The following CNTN3 variants were observed in gnomAD, a reference collection of about 807,000 sequenced individuals.
CNTN3 encodes contactin-3.
In CNTN3, 60 loss-of-function variants were observed where a neutral mutation model predicts 119.1. That is an observed-to-expected ratio of 0.50 (90% CI 0.41 to 0.62). CNTN3 has a LOEUF of 0.62. Among genes scored for constraint, CNTN3 ranks in the 20% least tolerant of loss-of-function variants. The pLI is 0.00. For synonymous variants in CNTN3, 450 were observed against 438.7 expected (o/e 1.03, Z -0.32); for missense variants, 1,101 against 1,242.4 (o/e 0.89, Z 1.71).
rs1705141367 is a variant in CNTN3 at position 74,614,530 on chromosome 3, G to A, written c.-220C>T. Among the ~76,000 whole-genome samples the A allele has an allele frequency of 6.8e-6, 1 of 147,378 alleles. No individual in the cohort carries two copies. The highest frequency in any genetic ancestry group is 1.5e-5 in the Non-Finnish European group (1 of 66,344). ...GTGCGCGCCCGCGTAAGCCGCCGCC[G>A]CCGCAGGCGCAGCACCCTCGTCCGC... is the stretch of plus-strand genomic sequence containing the variant. On this transcript the variant is annotated 5_prime_UTR_variant, in exon 1 of 23. Transcript: ENST00000263665.
intron 13 of CNTN3, among the ~76,000 whole-genome samples, chr3:74,329,590 T>C (rs559908117): frequency 9.8e-5 from 15 of 152,292 alleles, no homozygotes; most frequent in South Asian, 8.3e-4. Flanking sequence ...CAAGTCAAAA[T>C]TATCCCTCAA....
At position 74,305,027 on chromosome 3, in the gene CNTN3, C is replaced by A. The variant is rs151027491; in HGVS notation, c.1669-2220G>T. On this transcript the variant is annotated intron_variant, in intron 13 of 22. Coordinates refer to ENST00000263665, the MANE Select transcript of CNTN3 (RefSeq NM_020872.3). ...AGTACTACATAGAGACAAGATTTAT[C>A]TTAACAAAAGCGCATCCATTGCTTG... is the stretch of plus-strand genomic sequence containing the variant. Among the ~76,000 whole-genome samples, 328 of 152,274 alleles carry A rather than the reference C, an allele frequency of 2.2e-3. 1 individual carries two copies. The highest frequency in any genetic ancestry group is 3.8e-4 in the Non-Finnish European group (26 of 68,018).
intron 4 of CNTN3, among the ~76,000 whole-genome samples, chr3:74,459,683 C>T (rs192674794): frequency 6.6e-6 from 1 of 152,078 alleles, no homozygotes; most frequent in East Asian, 1.9e-4. Flanking sequence ...TTTTCCTCCT[C>T]ACCTCCTACT....
In CNTN3 at chr3:74,559,766, A is replaced by G. The variant is rs367958070; in HGVS notation, c.-80-38574T>C. Among the ~76,000 whole-genome samples, 5 of 152,212 alleles carry G rather than the reference A, an allele frequency of 3.3e-5. No homozygotes were observed. In the South Asian group the frequency reaches 1.0e-3, roughly 32 times the overall value. On this transcript the variant is annotated intron_variant, in intron 1 of 22. Transcript: ENST00000263665. ...CAATCTGTTTTCTTCTCTGTAAATGACTTCCTGATTATACCATGCAATTGC... is the reference window on the plus strand; with the variant it reads ...CAATCTGTTTTCTTCTCTGTAAATGGCTTCCTGATTATACCATGCAATTGC...
Position 74,287,177 on chromosome 3 carries a change from A to G in CNTN3, c.2518-1686T>C, listed in dbSNP as rs374220210. The stretch of plus-strand genomic sequence containing the variant: ...GAGACATCAAAACTCCAATTTCTTG[A>G]TGAGGCAATACAATTTTTTCCTTCA... On this transcript the variant is annotated intron_variant, in intron 19 of 22. Coordinates refer to ENST00000263665, the MANE Select transcript of CNTN3 (RefSeq NM_020872.3). Among the ~76,000 whole-genome samples the G allele has an allele frequency of 2.0e-5, 3 of 152,224 alleles. No homozygotes were observed. In the East Asian group the frequency reaches 5.8e-4, roughly 29 times the overall value.
intron 13 of CNTN3, among the ~76,000 whole-genome samples, chr3:74,323,410 A>C (rs1466184928): frequency 6.6e-6 from 1 of 152,232 alleles, no homozygotes; most frequent in African/African-American, 2.4e-5. Flanking sequence ...ATATAGAGAA[A>C]GTAGATCGGT....
In CNTN3 at chr3:74,424,919, T is replaced by C; in HGVS notation, c.380A>G (p.Lys127Arg). Residue 127 changes from lysine to arginine, a missense_variant, in exon 5 of 23, where the codon AAA becomes AGA. Coordinates refer to ENST00000263665, the MANE Select transcript of CNTN3 (RefSeq NM_020872.3). Reference sequence around the variant, plus strand: ...ACGCACAGACACTGTACTCCTCATTTTGGTTTTAAAATTTTCAAGATCTGA... The same window carrying C: ...ACGCACAGACACTGTACTCCTCATTCTGGTTTTAAAATTTTCAAGATCTGA... Reference protein sequence around the residue: ...QFAYLENFKTKMRSTVSVREG... With the variant: ...QFAYLENFKTRMRSTVSVREG... 1 of 1,606,616 alleles carries C rather than the reference T, an allele frequency of 6.2e-7. No individual in the cohort carries two copies. Among genetic ancestry groups the C allele is most frequent in the Non-Finnish European group, 8.5e-7 (1 of 1,177,128 alleles).
At chr3:74,264,555 G>C (rs1701632667) in intron 22 of CNTN3, 54 bp from the exon 23 acceptor site, 1 of 1,178,288 alleles carries the variant, frequency 8.5e-7, no homozygotes, top group East Asian at 2.4e-5. Context: ...TATGTAATCA[G>C]GGTGCTAGAG....
intron 1 of CNTN3, among the ~76,000 whole-genome samples, chr3:74,530,506 A>G (rs1230535265): frequency 6.6e-6 from 1 of 151,818 alleles, no homozygotes; most frequent in African/African-American, 2.4e-5. Flanking sequence ...GACCACAGAG[A>G]GCTGCCTTTG....
At chr3:74,526,435 C>T (rs1214155509) in intron 1 of CNTN3, among the ~76,000 whole-genome samples, 1 of 151,778 alleles carries the variant, frequency 6.6e-6, no homozygotes, top group African/African-American at 2.4e-5. Context: ...AGAAATCATG[C>T]ATCACATAAC....
chr3:74,449,988 G>A (rs1221645662), intron 4 of CNTN3, among the ~76,000 whole-genome samples: 1 of 152,050 alleles, frequency 6.6e-6, no homozygotes, highest in Non-Finnish European at 1.5e-5. Context: ...ATGATCATAT[G>A]TAGTTACATA....
At chr3:74,395,149 C>A (rs926998333) in intron 5 of CNTN3, among the ~76,000 whole-genome samples, 2 of 152,134 alleles carry the variant, frequency 1.3e-5, no homozygotes, top group East Asian at 3.9e-4. Context: ...TCCTACTAGA[C>A]CCTCAGCATC....
At chr3:74,449,040 T>C (rs1004558537) in intron 4 of CNTN3, among the ~76,000 whole-genome samples, 2 of 152,100 alleles carry the variant, frequency 1.3e-5, no homozygotes, top group African/African-American at 4.8e-5. Context: ...TCCTTTTAAA[T>C]AGTCTCCTTC....
chr3:74,432,415 C>A (rs1191662602), intron 4 of CNTN3, among the ~76,000 whole-genome samples: 1 of 151,474 alleles, frequency 6.6e-6, no homozygotes, highest in Non-Finnish European at 1.5e-5. Flanking sequence ...ACAAAAAAAT[C>A]TCATAATGTT....
chr3:74,449,776 T>C (rs1053166166), intron 4 of CNTN3, among the ~76,000 whole-genome samples: 6 of 152,120 alleles, frequency 3.9e-5, no homozygotes, highest in African/African-American at 9.7e-5. Flanking sequence ...TTCTATCAAA[T>C]ACTCAGAATG....
chr3:74,418,174 C>G (rs1701555657), intron 5 of CNTN3, among the ~76,000 whole-genome samples: 1 of 151,954 alleles, frequency 6.6e-6, no homozygotes, highest in African/African-American at 2.4e-5. Context: ...TGATGGGAGC[C>G]AGAAAGCATA....
chr3:74,321,879 A>T (rs928061806), intron 13 of CNTN3, among the ~76,000 whole-genome samples: 1 of 152,204 alleles, frequency 6.6e-6, no homozygotes, highest in African/African-American at 2.4e-5. Context: ...CATATAATAG[A>T]TACATTGAAT....
chr3:74,390,086 G>A (rs961507583), intron 5 of CNTN3, among the ~76,000 whole-genome samples: 15 of 152,138 alleles, frequency 9.9e-5, no homozygotes, highest in South Asian at 2.1e-4. Context: ...GAAATGGTAC[G>A]AGGAATTATA....
intron 5 of CNTN3, among the ~76,000 whole-genome samples, chr3:74,421,385 G>A (rs1701613793): frequency 6.6e-6 from 1 of 151,992 alleles, no homozygotes; most frequent in Non-Finnish European, 1.5e-5. Flanking sequence ...GCCCAGGCTG[G>A]TCTTGAACTC....
Sources: allele counts gnomAD v4.1 joint callset (sites outside exome capture counted in the v4.1 genomes callset), GRCh38; gene constraint gnomAD v4.1.1; transcripts MANE v1.5; gene names NCBI Gene and HGNC (gene_info 2026-07-23, HGNC 2026-07-21).